Variants in ZHX2 observed in about 807,000 individuals in gnomAD.
ZHX2 encodes zinc fingers and homeoboxes 2.
ZHX2 carries 6 observed loss-of-function variants against 21.9 expected under a neutral mutation model. The ratio of observed to expected loss-of-function variants is 0.27; its 90% CI spans 0.15 to 0.54. The LOEUF (loss-of-function observed/expected upper bound fraction) is 0.54. ZHX2 is among the 20% of genes least tolerant of loss of function. ZHX2 has a pLI of 0.95. For synonymous variants in ZHX2, 434 were observed against 437.1 expected (o/e 0.99, Z 0.09); for missense variants, 908 against 1,090.7 (o/e 0.83, Z 2.36).
chr8:122,784,562 C>T (rs1348579891), intron 1 of ZHX2, among the ~76,000 whole-genome samples: 2 of 152,160 alleles, frequency 1.3e-5, no homozygotes, highest in Non-Finnish European at 2.9e-5. Context: ...TCCTGAGGTC[C>T]GAACTTCAGA....
At chr8:122,939,229 G>C (rs1462807932) in intron 2 of ZHX2, among the ~76,000 whole-genome samples, 2 of 152,172 alleles carry the variant, frequency 1.3e-5, no homozygotes, top group African/African-American at 2.4e-5. Flanking sequence ...GAAAGGCTGA[G>C]GCTTCAAAGG....
chr8:122,838,724 C>G (rs1026438649), intron 1 of ZHX2, among the ~76,000 whole-genome samples: 1 of 151,776 alleles, frequency 6.6e-6, no homozygotes, highest in Non-Finnish European at 1.5e-5. Context: ...ACTACAAGCA[C>G]GTGCCACTAC....
chr8:122,846,612 A>G (rs1462950452), intron 1 of ZHX2, among the ~76,000 whole-genome samples: 3 of 127,104 alleles, frequency 2.4e-5, no homozygotes, highest in African/African-American at 6.0e-5. Context: ...TTTGAAAGTG[A>G]TTCTCTTTTT....
intron 1 of ZHX2, among the ~76,000 whole-genome samples, chr8:122,840,043 G>T (rs569481185): frequency 6.6e-6 from 1 of 152,214 alleles, no homozygotes; most frequent in South Asian, 2.1e-4. Context: ...TGGTACATGG[G>T]GCCACTGGAC....
chr8:122,834,645 C>T (rs1249572425), intron 1 of ZHX2, among the ~76,000 whole-genome samples: 2 of 152,044 alleles, frequency 1.3e-5, no homozygotes, highest in Non-Finnish European at 2.9e-5. Flanking sequence ...GTTTGAGGGC[C>T]GTCATCAAGC....
chr8:122,862,563 A>G (rs1162270724), intron 1 of ZHX2, among the ~76,000 whole-genome samples: 1 of 152,182 alleles, frequency 6.6e-6, no homozygotes, highest in African/African-American at 2.4e-5. Context: ...TGCACCCTTG[A>G]ATAGTAATAC....
intron 2 of ZHX2, among the ~76,000 whole-genome samples, chr8:122,919,675 C>T (rs918222531): frequency 1.3e-5 from 2 of 152,152 alleles, no homozygotes; most frequent in African/African-American, 2.4e-5. Flanking sequence ...TCATGACAAC[C>T]GTCAGAGGTG....
At chr8:122,963,393 T>C (rs1422892645) in intron 3 of ZHX2, among the ~76,000 whole-genome samples, 1 of 152,106 alleles carries the variant, frequency 6.6e-6, no homozygotes, top group Non-Finnish European at 1.5e-5. Flanking sequence ...TTTCCCCACT[T>C]TATGTTTTTG....
chr8:122,926,234 A>C (rs1023787285), intron 2 of ZHX2, among the ~76,000 whole-genome samples: 6 of 152,234 alleles, frequency 3.9e-5, no homozygotes, highest in Middle Eastern at 6.8e-3. Flanking sequence ...AGGCCTGAGC[A>C]CTGGGGTATT....
intron 1 of ZHX2, among the ~76,000 whole-genome samples, chr8:122,799,028 C>T (rs1317643701): frequency 6.6e-6 from 1 of 152,208 alleles, no homozygotes. Flanking sequence ...CCCAGGATTC[C>T]TCTGCTACTT....
chr8:122,848,227 C>A (rs543222629), intron 1 of ZHX2, among the ~76,000 whole-genome samples: 1 of 151,970 alleles, frequency 6.6e-6, no homozygotes, highest in East Asian at 1.9e-4. Context: ...TGTGTGTGTG[C>A]GCCTGAAAGA....
intron 2 of ZHX2, among the ~76,000 whole-genome samples, chr8:122,878,027 C>T (rs1447080338): frequency 6.6e-6 from 1 of 152,048 alleles, no homozygotes; most frequent in Non-Finnish European, 1.5e-5. Flanking sequence ...TCCCTCCTAT[C>T]AGGATTTCAC....
chr8:122,822,688 T>A (rs1818178742), intron 1 of ZHX2, among the ~76,000 whole-genome samples: 1 of 152,284 alleles, frequency 6.6e-6, no homozygotes, highest in African/African-American at 2.4e-5. Flanking sequence ...GCTCTCTGGG[T>A]AGACTCTTCC....
intron 1 of ZHX2, among the ~76,000 whole-genome samples, chr8:122,798,620 T>C (rs1817657681): frequency 6.6e-6 from 1 of 151,954 alleles, no homozygotes; most frequent in South Asian, 2.1e-4. Flanking sequence ...TTGTCTCTAC[T>C]AAAAATACAA....
chr8:122,888,450 TACAA>T (rs1285197087), intron 2 of ZHX2, among the ~76,000 whole-genome samples: 1 of 152,182 alleles, frequency 6.6e-6, no homozygotes, highest in Non-Finnish European at 1.5e-5. Flanking sequence ...TTCAAAAATA[TACAA>T]ACAATTATTG....
chr8:122,906,830 C>T lies in ZHX2; in HGVS notation c.-220+43291C>T, dbSNP rs143325919. ...GGATTACAGGCGCACACCACCACGC[C>T]CGGGTAATTTTTGTATTTTTAGTAG... On this transcript the variant is annotated intron_variant, in intron 2 of 3. Coordinates refer to ENST00000314393, the MANE Select transcript of ZHX2 (RefSeq NM_014943.5). Among the ~76,000 whole-genome samples the T allele has an allele frequency of 6.7e-3, 1,011 of 151,782 alleles. 17 individuals carry two copies. The highest frequency in any genetic ancestry group is 0.023 in the African/African-American group (934 of 41,372).
At chr8:122,827,264 T>C (rs1475353963) in intron 1 of ZHX2, among the ~76,000 whole-genome samples, 1 of 152,168 alleles carries the variant, frequency 6.6e-6, no homozygotes, top group Non-Finnish European at 1.5e-5. Flanking sequence ...TCTCAAACTC[T>C]TGGACTCAGG....
chr8:122,941,714 A>C (rs1338979442), intron 2 of ZHX2, among the ~76,000 whole-genome samples: 1 of 152,102 alleles, frequency 6.6e-6, no homozygotes, highest in Non-Finnish European at 1.5e-5. Context: ...TTCATGGGAC[A>C]GTGTGTTTCA....
At chr8:122,926,442 C>T (rs1401590343) in intron 2 of ZHX2, among the ~76,000 whole-genome samples, 1 of 152,190 alleles carries the variant, frequency 6.6e-6, no homozygotes, top group Non-Finnish European at 1.5e-5. Flanking sequence ...CCTGTGACTG[C>T]TGTAACTGAG....
Sources: allele counts gnomAD v4.1 joint callset (sites outside exome capture counted in the v4.1 genomes callset), GRCh38; gene constraint gnomAD v4.1.1; transcripts MANE v1.5; gene names NCBI Gene and HGNC (gene_info 2026-07-23, HGNC 2026-07-21).